PCDH15: variants seen among roughly 807,000 people sequenced by gnomAD.
PCDH15 encodes the protein protocadherin-15.
In PCDH15, 129 loss-of-function variants were observed where a neutral mutation model predicts 178.5. The observed-to-expected ratio is 0.72, with a 90% CI of 0.63 to 0.84. The LOEUF (loss-of-function observed/expected upper bound fraction) is 0.84, where lower values mean the gene tolerates loss of function less well. Among genes scored for constraint, PCDH15 ranks in the 40% least tolerant of loss-of-function variants. PCDH15 has a pLI of 0.00. For synonymous variants in PCDH15, 800 were observed against 732.0 expected (o/e 1.09, Z -1.50); for missense variants, 2,230 against 2,099.9 (o/e 1.06, Z -1.21).
At chr10:54,343,770 A>G (rs1030291810) in intron 6 of PCDH15, among the ~76,000 whole-genome samples, 14 of 152,090 alleles carry the variant, frequency 9.2e-5, no homozygotes, top group South Asian at 4.1e-4. Flanking sequence ...CGTTGTGCAC[A>G]TGTACCCTAG....
chr10:54,046,136 A>G (rs574220039), intron 18 of PCDH15, among the ~76,000 whole-genome samples: 34 of 152,316 alleles, frequency 2.2e-4, no homozygotes, highest in African/African-American at 7.9e-4. Flanking sequence ...TCATAATGCG[A>G]TATCACTGAA....
chr10:55,601,603 G>A lies in PCDH15; in HGVS notation c.-156+26022C>T, dbSNP rs905618532. Among the ~76,000 whole-genome samples the A allele has an allele frequency of 3.3e-5, 5 of 152,188 alleles. No individual in the cohort carries two copies. The East Asian group carries it at 5.8e-4, about 18-fold the overall frequency. Reference sequence around the variant, plus strand: ...ATGGTTGCAAGATAGAGGTGATAGAGAAATTACAGATATATTATGACAATG... The same window carrying A: ...ATGGTTGCAAGATAGAGGTGATAGAAAAATTACAGATATATTATGACAATG... On this transcript the variant is annotated intron_variant, in intron 2 of 5. Transcript: ENST00000613346.
chr10:54,417,256 G>A (rs1954569836), intron 3 of PCDH15, among the ~76,000 whole-genome samples: 1 of 152,024 alleles, frequency 6.6e-6, no homozygotes, highest in Non-Finnish European at 1.5e-5. Flanking sequence ...TTACACTTAC[G>A]TCGATCTACT....
At chr10:54,027,448 T>C (rs574843911) in intron 18 of PCDH15, among the ~76,000 whole-genome samples, 4 of 152,126 alleles carry the variant, frequency 2.6e-5, no homozygotes, top group Admixed American at 6.5e-5. Context: ...TACTTTAAAG[T>C]TCATATGGAA....
chr10:54,929,032 A>AACTCTAGAGCAATAACAACTCTAG (rs1837700760), intron 2 of PCDH15, among the ~76,000 whole-genome samples: 1 of 152,186 alleles, frequency 6.6e-6, no homozygotes, highest in Non-Finnish European at 1.5e-5. Context: ...GAGTTATTGC[A>AACTCTAGAGCAATAACAACTCTAG]TTGGTTCTTT....
chr10:54,458,025 C>T (rs994588035), intron 3 of PCDH15, among the ~76,000 whole-genome samples: 2 of 152,142 alleles, frequency 1.3e-5, no homozygotes, highest in African/African-American at 4.8e-5. Flanking sequence ...ATGGCTACTG[C>T]CAAATGAGAC....
chr10:54,999,564 T>G (rs1014016823), intron 2 of PCDH15, among the ~76,000 whole-genome samples: 1 of 152,162 alleles, frequency 6.6e-6, no homozygotes, highest in Non-Finnish European at 1.5e-5. Context: ...GAGTGGCTGC[T>G]GTAAGGATGC....
chr10:54,731,950 G>T (rs972249163), intron 1 of PCDH15, among the ~76,000 whole-genome samples: 14 of 151,100 alleles, frequency 9.3e-5, no homozygotes, highest in African/African-American at 2.4e-4. Context: ...AGAATAATTT[G>T]AATGTTTCTA....
At chr10:55,154,362 T>C (rs1189239048) in intron 2 of PCDH15, among the ~76,000 whole-genome samples, 3 of 152,128 alleles carry the variant, frequency 2.0e-5, no homozygotes, top group Admixed American at 1.3e-4. Context: ...TTCATGTATA[T>C]GAATGGAGAA....
At position 53,806,741 on chromosome 10, in the gene PCDH15, T is replaced by C. The variant is rs749998536; in HGVS notation, c.5061A>G (p.Pro1687=). ...CTGTGCTTTTCAGCCTGTTCCTTAG[T>C]GGCTTCACCGCTGTATTGTCAGTCC... ...PVGTDNTAVK[P]LRNRLKSTVE... Residue 1687 remains proline (P), a synonymous_variant, in exon 38 of 38, where the codon CCA becomes CCG. Transcript: ENST00000644397. 1.9e-6 allele frequency: 3 copies of C among 1,613,872 alleles called. No individual in the cohort carries two copies. The highest frequency in any genetic ancestry group is 2.5e-6 in the Non-Finnish European group (3 of 1,179,806).
At chr10:53,856,054 C>G (rs962199754) in intron 28 of PCDH15, among the ~76,000 whole-genome samples, 4 of 151,062 alleles carry the variant, frequency 2.6e-5, no homozygotes, top group African/African-American at 9.7e-5. Flanking sequence ...TATGTTTTCA[C>G]TCATAAGTGG....
chr10:55,163,709 C>T (rs1312954636), intron 2 of PCDH15, among the ~76,000 whole-genome samples: 1 of 152,102 alleles, frequency 6.6e-6, no homozygotes, highest in Non-Finnish European at 1.5e-5. Context: ...AATTATAATG[C>T]ATTAGCATGC....
At chr10:54,198,423 T>C (rs2049888452) in intron 10 of PCDH15, among the ~76,000 whole-genome samples, 1 of 151,814 alleles carries the variant, frequency 6.6e-6, no homozygotes, top group South Asian at 2.1e-4. Context: ...AGTTCATACA[T>C]GCAAGGCATT....
chr10:55,461,347 C>G (rs1370955082), intron 2 of PCDH15, among the ~76,000 whole-genome samples: 3 of 152,094 alleles, frequency 2.0e-5, no homozygotes. Flanking sequence ...AAATACAGTG[C>G]CTATTACACT....
intron 37 of PCDH15, chr10:53,808,903 T>A: frequency 1.3e-6 from 2 of 1,583,190 alleles, no homozygotes. Flanking sequence ...TTCAGGGATA[T>A]CTTGAGCTTC....
At chr10:54,778,601 C>G (rs1264729056) in intron 1 of PCDH15, among the ~76,000 whole-genome samples, 1 of 152,026 alleles carries the variant, frequency 6.6e-6, no homozygotes, top group Non-Finnish European at 1.5e-5. Flanking sequence ...GAATAATGTA[C>G]AGTGGTAAAT....
At chr10:54,358,609 C>T (rs1945444448) in intron 5 of PCDH15, among the ~76,000 whole-genome samples, 1 of 151,564 alleles carries the variant, frequency 6.6e-6, no homozygotes, top group Admixed American at 6.6e-5. Flanking sequence ...GTGGCGATTC[C>T]TCAGGGATCT....
At chr10:54,510,933 A>T (rs2081594017) in intron 3 of PCDH15, among the ~76,000 whole-genome samples, 1 of 152,134 alleles carries the variant, frequency 6.6e-6, no homozygotes, top group South Asian at 2.1e-4. Flanking sequence ...TCAGAAGTGG[A>T]ATGAACATCG....
At chr10:54,990,215 G>A (rs1839466612) in intron 2 of PCDH15, among the ~76,000 whole-genome samples, 1 of 152,122 alleles carries the variant, frequency 6.6e-6, no homozygotes, top group Admixed American at 6.5e-5. Flanking sequence ...GCTTACTGAA[G>A]GCCTTAATAA....
Sources: gnomAD v4.1 joint callset for allele counts (sites outside exome capture counted in the v4.1 genomes callset) on GRCh38, gnomAD v4.1.1 for gene constraint, MANE v1.5 for transcripts, NCBI Gene and HGNC (gene_info 2026-07-23, HGNC 2026-07-21) for gene names.